TMEM132D: variants seen among roughly 807,000 people sequenced by gnomAD.
TMEM132D encodes the protein transmembrane protein 132D, also known as mature OL transmembrane protein.
TMEM132D carries 21 observed loss-of-function variants against 62.3 expected under a neutral mutation model. The observed-to-expected ratio is 0.34, with a 90% CI of 0.24 to 0.49. The LOEUF (loss-of-function observed/expected upper bound fraction) is 0.49, where lower values mean the gene tolerates loss of function less well. Ranked by LOEUF, TMEM132D falls within the 20% of genes least tolerant of loss-of-function variation. The probability of loss-of-function intolerance (pLI) is 0.99; values close to 1 mark genes in which losing one functional copy is unlikely to be tolerated. For synonymous variants in TMEM132D, 621 were observed against 575.6 expected (o/e 1.08, Z -1.13); for missense variants, 1,346 against 1,402.8 (o/e 0.96, Z 0.65).
intron 1 of TMEM132D, among the ~76,000 whole-genome samples, chr12:129,786,202 C>G (rs1161528562): frequency 6.6e-6 from 1 of 152,152 alleles, no homozygotes; most frequent in Non-Finnish European, 1.5e-5. Context: ...TGCCCACCAG[C>G]TTCCCTTGCT....
At chr12:129,494,896 T>G (rs1305580829) in intron 3 of TMEM132D, among the ~76,000 whole-genome samples, 1 of 152,198 alleles carries the variant, frequency 6.6e-6, no homozygotes, top group East Asian at 1.9e-4. Context: ...ATATGCCCTG[T>G]ACTCAGTAGT....
intron 1 of TMEM132D, among the ~76,000 whole-genome samples, chr12:129,896,248 A>G (rs1308638032): frequency 6.6e-6 from 1 of 151,912 alleles, no homozygotes; most frequent in African/African-American, 2.4e-5. Context: ...TGGGCCCCCC[A>G]AAGAGCTGGG....
chr12:129,615,518 G>T (rs1197166367), intron 2 of TMEM132D, among the ~76,000 whole-genome samples: 1 of 150,800 alleles, frequency 6.6e-6, no homozygotes, highest in Non-Finnish European at 1.5e-5. Context: ...TGGGAGGCCA[G>T]TGTGAGAGGA....
chr12:129,427,849 T>C (rs1214419247), intron 3 of TMEM132D, among the ~76,000 whole-genome samples: 1 of 152,052 alleles, frequency 6.6e-6, no homozygotes, highest in Non-Finnish European at 1.5e-5. Flanking sequence ...TAAGGGAAAA[T>C]TTTACTTTAA....
chr12:129,800,082 G>A (rs1401670373), intron 1 of TMEM132D, among the ~76,000 whole-genome samples: 1 of 152,088 alleles, frequency 6.6e-6, no homozygotes, highest in Non-Finnish European at 1.5e-5. Context: ...AGATGACCTA[G>A]GGTCCAACCC....
rs766949843 is a variant in TMEM132D, at chr12:129,700,228, G to A, written c.550C>T (p.Arg184Trp). The A allele has an allele frequency of 8.7e-6, 14 of 1,612,784 alleles. No individual in the cohort carries two copies. The South Asian group carries it at 9.9e-5, about 11-fold the overall frequency. ...RETREVRGSC[R>W]LQGDLGLCVA... is the part of the protein sequence containing the mutation. Reference sequence around the variant, plus strand: ...CACAGCCCCAGGTCCCCCTGCAGCCGGCAGCTGCCCCGCACCTCTCGGGTC... The same window carrying A: ...CACAGCCCCAGGTCCCCCTGCAGCCAGCAGCTGCCCCGCACCTCTCGGGTC... Residue 184 changes from arginine to tryptophan, a missense_variant, in exon 2 of 9, where the codon CGG (arginine) becomes TGG (tryptophan). Transcript: ENST00000422113.
intron 5 of TMEM132D, among the ~76,000 whole-genome samples, chr12:129,148,084 G>C (rs1876965261): frequency 6.6e-6 from 1 of 152,200 alleles, no homozygotes; most frequent in African/African-American, 2.4e-5. Context: ...ATAGTAATGG[G>C]CTGTTTTGCC....
chr12:129,111,994 G>A (rs551099143), intron 5 of TMEM132D, among the ~76,000 whole-genome samples: 2 of 152,340 alleles, frequency 1.3e-5, no homozygotes, highest in East Asian at 1.9e-4. Context: ...GTGGAGGGGC[G>A]TGACAGTGTC....
intron 1 of TMEM132D, among the ~76,000 whole-genome samples, chr12:129,803,373 G>C (rs1458277280): frequency 6.6e-6 from 1 of 151,958 alleles, no homozygotes; most frequent in Non-Finnish European, 1.5e-5. Context: ...CTAGATCTCA[G>C]GATTAAGAAA....
At chr12:129,815,716 T>G (rs115368711) in intron 1 of TMEM132D, among the ~76,000 whole-genome samples, 177 of 152,348 alleles carry the variant, frequency 1.2e-3, no homozygotes, top group African/African-American at 4.1e-3. Flanking sequence ...AAAAATTAGT[T>G]TTATTTTCTC....
chr12:129,441,261 C>A (rs1248752089), intron 3 of TMEM132D, among the ~76,000 whole-genome samples: 1 of 152,196 alleles, frequency 6.6e-6, no homozygotes, highest in African/African-American at 2.4e-5. Flanking sequence ...AGGATCATTT[C>A]TCCATTAACA....
At chr12:129,609,713 C>T (rs1457253667) in intron 2 of TMEM132D, among the ~76,000 whole-genome samples, 1 of 152,202 alleles carries the variant, frequency 6.6e-6, no homozygotes, top group Non-Finnish European at 1.5e-5. Context: ...AGAGGTCGGG[C>T]CCCTCTTCCC....
chr12:129,117,098 C>A (rs1875917042), intron 5 of TMEM132D, among the ~76,000 whole-genome samples: 1 of 151,926 alleles, frequency 6.6e-6, no homozygotes, highest in Non-Finnish European at 1.5e-5. Flanking sequence ...AATTGTTAAA[C>A]CAAGAAAAGA....
At chr12:129,522,969 G>A in intron 3 of TMEM132D, among the ~76,000 whole-genome samples, 1 of 149,672 alleles carries the variant, frequency 6.7e-6, no homozygotes, top group East Asian at 2.0e-4. Context: ...TATATACATA[G>A]ATTAGATATA....
chr12:129,349,194 C>A (rs1869787834), intron 3 of TMEM132D, among the ~76,000 whole-genome samples: 6 of 152,148 alleles, frequency 3.9e-5, no homozygotes, highest in Admixed American at 3.9e-4. Flanking sequence ...TTCCTGTGAA[C>A]AAATAACCAG....
intron 5 of TMEM132D, among the ~76,000 whole-genome samples, chr12:129,140,839 C>CAAAA (rs62841262): frequency 7.4e-6 from 1 of 134,886 alleles, no homozygotes; most frequent in Non-Finnish European, 1.6e-5. Flanking sequence ...AACTCTGTCT[C>CAAAA]AAAAAAAAAA....
chr12:129,720,127 A>G (rs531913922), intron 1 of TMEM132D, among the ~76,000 whole-genome samples: 1 of 152,186 alleles, frequency 6.6e-6, no homozygotes, highest in Non-Finnish European at 1.5e-5. Context: ...TAAATAATCA[A>G]TAAAACCTTG....
intron 3 of TMEM132D, among the ~76,000 whole-genome samples, chr12:129,438,863 G>T (rs1872863035): frequency 6.6e-6 from 1 of 152,100 alleles, no homozygotes; most frequent in Non-Finnish European, 1.5e-5. Context: ...ACATGAAAAG[G>T]ATCACTGAGA....
chr12:129,472,871 A>G (rs1874134734), intron 3 of TMEM132D, among the ~76,000 whole-genome samples: 5 of 151,810 alleles, frequency 3.3e-5, no homozygotes, highest in Admixed American at 3.3e-4. Flanking sequence ...GTCTTATTTT[A>G]AGACTTTTTT....
Sources: allele counts gnomAD v4.1 joint callset (sites outside exome capture counted in the v4.1 genomes callset), GRCh38; gene constraint gnomAD v4.1.1; transcripts MANE v1.5; gene names NCBI Gene and HGNC (gene_info 2026-07-23, HGNC 2026-07-21).